The following KSR1 variants were observed in gnomAD, a reference collection of about 807,000 sequenced individuals.
KSR1 encodes the protein kinase suppressor of ras.
A neutral mutation model predicts 92.9 loss-of-function variants in KSR1; 35 were observed. The ratio of observed to expected loss-of-function variants is 0.38; its 90% CI spans 0.29 to 0.50. The LOEUF is 0.50. Among genes scored for constraint, KSR1 ranks in the 20% least tolerant of loss-of-function variants. The probability of loss-of-function intolerance (pLI) is 0.94; values close to 1 mark genes in which losing one functional copy is unlikely to be tolerated. For synonymous variants in KSR1, 467 were observed against 472.6 expected (o/e 0.99, Z 0.15); for missense variants, 972 against 1,158.5 (o/e 0.84, Z 2.34).
chr17:27,526,709 T>C (rs1271319419), intron 1 of KSR1: 1 of 1,463,394 alleles, frequency 6.8e-7, no homozygotes, highest in Admixed American at 1.7e-5. Context: ...ACACGAGGGT[T>C]CAGGTTGAGA....
intron 1 of KSR1, among the ~76,000 whole-genome samples, chr17:27,476,177 C>T (rs943859724): frequency 2.0e-5 from 3 of 152,128 alleles, no homozygotes; most frequent in Non-Finnish European, 2.9e-5. Context: ...GCTCAGTGAG[C>T]GATTCTTGAG....
chr17:27,559,286 G>T lies in KSR1; in HGVS notation c.372+8578G>T, dbSNP rs897797141. On this transcript the variant is annotated intron_variant, in intron 2 of 20. Transcript: ENST00000644974. The surrounding 1 kb of genome is among the most constrained non-coding windows in gnomAD (Gnocchi z 4.2). ...CCCTCTGCGGCTCCGAGCCTGCTGC[G>T]GCGCTGCATGCCTGACCTTTGGTTC... 2.0e-5 allele frequency among the ~76,000 whole-genome samples: 3 copies of T among 152,164 alleles called. No homozygotes were observed. Among genetic ancestry groups the T allele is most frequent in the Non-Finnish European group, 4.4e-5 (3 of 68,028 alleles).
At chr17:27,502,610 C>T (rs2069230903) in intron 1 of KSR1, among the ~76,000 whole-genome samples, 1 of 152,348 alleles carries the variant, frequency 6.6e-6, no homozygotes, top group Non-Finnish European at 1.5e-5. Context: ...GTGACCTAGT[C>T]CCATGTCAGG....
chr17:27,576,855 AG>A (rs758430282), intron 2 of KSR1, among the ~76,000 whole-genome samples: 2 of 152,210 alleles, frequency 1.3e-5, no homozygotes, highest in Admixed American at 6.5e-5. Flanking sequence ...GAGCAACACC[AG>A]GGGACAAAGG....
intron 1 of KSR1, among the ~76,000 whole-genome samples, chr17:27,539,738 G>A (rs971280217): frequency 1.3e-5 from 2 of 152,212 alleles, no homozygotes; most frequent in African/African-American, 4.8e-5. Context: ...CCTAAGGACT[G>A]CTGGTACTAA....
intron 14 of KSR1, among the ~76,000 whole-genome samples, 174 bp from the exon 15 acceptor site, chr17:27,607,740 C>G (rs2073799791): frequency 6.6e-6 from 1 of 152,154 alleles, no homozygotes; most frequent in Admixed American, 6.5e-5. Context: ...TCTGCACGTT[C>G]AGGCCAGGCC....
At chr17:27,478,247 TA>T (rs575414971) in intron 1 of KSR1, among the ~76,000 whole-genome samples, 42 of 152,096 alleles carry the variant, frequency 2.8e-4, no homozygotes, top group Non-Finnish European at 5.4e-4. Context: ...CAAACCGGTA[TA>T]AAAGGGGATG....
In KSR1 at chr17:27,621,225, G is replaced by A. The variant is rs1004817303; in HGVS notation, c.2660G>A (p.Arg887His). 4.5e-5 allele frequency: 18 copies of A among 398,662 alleles called. No homozygotes were observed. Among genetic ancestry groups the A allele is most frequent in the Middle Eastern group, 6.3e-4 (1 of 1,588 alleles). 24.7% of individuals were successfully genotyped at this position (398,662 alleles called of 1,614,324 possible). Residue 887 changes from arginine to histidine, a missense_variant, in exon 20 of 21, where the codon CGC becomes CAC. Coordinates refer to ENST00000644974, the MANE Select transcript of KSR1 (RefSeq NM_001394583.1). ...AGGAGCCGCTACTATGGAAAAGGAC[G>A]CTACGGCCACCCTGACTTTAAGAGC... ...RWRSRYYGKGRYGHPDFKSSC... is the reference protein window; with the variant it reads ...RWRSRYYGKGHYGHPDFKSSC...
intron 2 of KSR1, among the ~76,000 whole-genome samples, chr17:27,562,523 A>G (rs1230510657): frequency 1.3e-5 from 2 of 152,188 alleles, no homozygotes; most frequent in East Asian, 1.9e-4. Context: ...CCCTGCCATG[A>G]GATGGCTTTG....
intron 2 of KSR1, among the ~76,000 whole-genome samples, chr17:27,563,431 T>C (rs28556948): frequency 6.6e-6 from 1 of 152,136 alleles, no homozygotes; most frequent in Non-Finnish European, 1.5e-5. Flanking sequence ...TATGTTTTTA[T>C]TTTTTAGTTG....
chr17:27,456,514 C>T lies in KSR1; in HGVS notation c.-130C>T, dbSNP rs560252366. On this transcript the variant is annotated 5_prime_UTR_variant, in exon 1 of 21. Coordinates refer to ENST00000644974, the MANE Select transcript of KSR1 (RefSeq NM_001394583.1). ...GAAGCGGCAGACTCAGCGGCCGGCT[C>T]TACCGGCGTCCCGGCTCGGGCAGCG... 892 of 404,424 alleles carry T rather than the reference C, an allele frequency of 2.2e-3. 7 individuals are homozygous for T. Among genetic ancestry groups the T allele is most frequent in the African/African-American group, 0.017 (826 of 47,774 alleles). 25.1% of individuals were successfully genotyped at this position (404,424 alleles called of 1,614,324 possible). A position where few individuals can be genotyped will look rare whatever the true frequency, so the allele number is the denominator to read the frequency against.
intron 5 of KSR1, chr17:27,585,967 A>G (rs905662748): frequency 6.9e-6 from 3 of 437,928 alleles, no homozygotes; most frequent in Non-Finnish European, 4.1e-6. Flanking sequence ...GAGACTCTCC[A>G]GCAGGGACTC....
At chr17:27,608,992 T>C (rs1167090136) in intron 15 of KSR1, among the ~76,000 whole-genome samples, 1 of 152,232 alleles carries the variant, frequency 6.6e-6, no homozygotes, top group African/African-American at 2.4e-5. Flanking sequence ...TGGGATCAGA[T>C]CTCAGCTCTG....
chr17:27,513,402 GCA>G (rs1567780722), intron 1 of KSR1, among the ~76,000 whole-genome samples: 2 of 152,062 alleles, frequency 1.3e-5, no homozygotes, highest in Admixed American at 1.3e-4. Context: ...ACCAGCCTGG[GCA>G]ACATAGCAAG....
At chr17:27,496,158 A>G (rs930571824) in intron 1 of KSR1, among the ~76,000 whole-genome samples, 12 of 152,190 alleles carry the variant, frequency 7.9e-5, no homozygotes, top group African/African-American at 2.9e-4. Flanking sequence ...TAATAACTGC[A>G]GTGTGAAACA....
chr17:27,603,901 A>G lies in KSR1; in HGVS notation c.1565+13A>G, dbSNP rs1289087621. 2 of 1,609,574 alleles carry G rather than the reference A, an allele frequency of 1.2e-6. No individual in the cohort carries two copies. Among genetic ancestry groups the G allele is most frequent in the Admixed American group, 1.7e-5 (1 of 59,340 alleles). Reference sequence around the variant, plus strand: ...CCGACGGTACCCGGTAGGCATCCCTAGGTGGTGTCCCCTTCGCTTCTTTGG... The same window carrying G: ...CCGACGGTACCCGGTAGGCATCCCTGGGTGGTGTCCCCTTCGCTTCTTTGG... On this transcript the variant is annotated intron_variant, in intron 12 of 20. Coordinates refer to ENST00000644974, the MANE Select transcript of KSR1 (RefSeq NM_001394583.1).
intron 1 of KSR1, among the ~76,000 whole-genome samples, chr17:27,535,334 C>T (rs2070716892): frequency 6.6e-6 from 1 of 152,152 alleles, no homozygotes; most frequent in Non-Finnish European, 1.5e-5. Flanking sequence ...GACCAAGTAT[C>T]CATAAGATAC....
intron 19 of KSR1, among the ~76,000 whole-genome samples, chr17:27,620,840 C>T (rs1486764574): frequency 6.6e-6 from 1 of 152,162 alleles, no homozygotes; most frequent in East Asian, 1.9e-4. Flanking sequence ...ACCATATAGT[C>T]CCACCTTCTC....
At chr17:27,484,597 A>C (rs1223965594) in intron 1 of KSR1, among the ~76,000 whole-genome samples, 1 of 150,930 alleles carries the variant, frequency 6.6e-6, no homozygotes, top group African/African-American at 2.4e-5. Context: ...TCATGGGTAC[A>C]GAAGGAGGAG....
Sources: gnomAD v4.1 joint callset for allele counts (sites outside exome capture counted in the v4.1 genomes callset) on GRCh38, gnomAD v4.1.1 for gene constraint, Gnocchi (gnomAD v3.1) non-coding constraint, MANE v1.5 for transcripts, NCBI Gene and HGNC (gene_info 2026-07-23, HGNC 2026-07-21) for gene names.